BORCS5: variants seen among roughly 807,000 people sequenced by gnomAD.
The protein encoded by BORCS5 is BLOC-1 related complex subunit 5, also known as BLOC-1-related complex subunit 5.
BORCS5 carries 17 observed loss-of-function variants against 22.1 expected under a neutral mutation model. That is an observed-to-expected ratio of 0.77 (90% confidence interval 0.53 to 1.15). BORCS5 has a LOEUF of 1.15. Among genes scored for constraint, BORCS5 ranks in the 50% most tolerant of loss-of-function variants. BORCS5 has a pLI of 0.00. For synonymous variants in BORCS5, 117 were observed against 99.8 expected (o/e 1.17, Z -1.03); for missense variants, 247 against 253.2 (o/e 0.98, Z 0.17).
intron 3 of BORCS5, among the ~76,000 whole-genome samples, chr12:12,451,708 C>A (rs1382324754): frequency 4.0e-5 from 6 of 151,276 alleles, no homozygotes; most frequent in Non-Finnish European, 8.8e-5. Flanking sequence ...ATGGTGAAAC[C>A]CCGTCTAATT....
intron 2 of BORCS5, among the ~76,000 whole-genome samples, chr12:12,362,958 C>T (rs1275685132): frequency 6.6e-6 from 1 of 151,410 alleles, no homozygotes; most frequent in East Asian, 2.0e-4. Context: ...GCCTACTCAT[C>T]TTCTTAGTTT....
rs147487002 is a variant in BORCS5, at chr12:12,376,334, C to T, written c.202+14985C>T. Reference sequence around the variant, plus strand: ...CTGCAAGCTCTGCCTCCTGGGTTCACGCCATTCTCCTGCCTCAGCCTCCTG... The same window carrying T: ...CTGCAAGCTCTGCCTCCTGGGTTCATGCCATTCTCCTGCCTCAGCCTCCTG... On this transcript the variant is annotated intron_variant, in intron 2 of 3. Coordinates refer to ENST00000314565, the MANE Select transcript of BORCS5 (RefSeq NM_058169.6). Among the ~76,000 whole-genome samples the T allele has an allele frequency of 3.7e-3, 560 of 150,526 alleles. 5 individuals carry two copies. Among genetic ancestry groups the T allele is most frequent in the African/African-American group, 0.012 (485 of 40,882 alleles).
Position 12,435,649 on chromosome 12 carries a change from C to T in BORCS5, c.224C>T (p.Ser75Phe), listed in dbSNP as rs76204637. The change falls in exon 3 of 4, where the codon TCC (serine) becomes TTC (phenylalanine). Residue 75 changes from serine to phenylalanine, a missense_variant. By Grantham distance (155) the Ser-to-Phe change is radical. Coordinates refer to ENST00000314565, the MANE Select transcript of BORCS5 (RefSeq NM_058169.6). ...GAAGGGCTATTGAGTGGCCAGACTT[C>T]CCCAACAAATGCCAAATTGGAGAAA... ...LLKGLLSGQT[S>F]PTNAKLEKLD... 2 of 1,613,758 alleles carry T rather than the reference C, an allele frequency of 1.2e-6. No individual in the cohort carries two copies. Among genetic ancestry groups the T allele is most frequent in the South Asian group, 2.2e-5 (2 of 90,980 alleles).
rs534499841 is a variant in BORCS5, at chr12:12,371,001, G to A, written c.202+9652G>A. Among the ~76,000 whole-genome samples, 190 of 152,126 alleles carry A rather than the reference G, an allele frequency of 1.2e-3. 1 individual carries two copies. The highest frequency in any genetic ancestry group is 4.1e-3 in the African/African-American group (172 of 41,498). Reference sequence around the variant, plus strand: ...CCTGACCTTGTGATCCGCCCACCTCGGCCTCCCAAAGTGCTGGGATTACAG... The same window carrying A: ...CCTGACCTTGTGATCCGCCCACCTCAGCCTCCCAAAGTGCTGGGATTACAG... On this transcript the variant is annotated intron_variant, in intron 2 of 3. Transcript: ENST00000314565.
intron 1 of BORCS5, 26 bp downstream of exon 1, chr12:12,357,535 C>T (rs766629587): frequency 6.9e-6 from 11 of 1,598,916 alleles, no homozygotes; most frequent in Non-Finnish European, 9.4e-6. Flanking sequence ...TCCCACCCTC[C>T]TCCAGCCCGC....
intron 3 of BORCS5, among the ~76,000 whole-genome samples, chr12:12,441,710 C>CA (rs202109827): frequency 1.8e-5 from 2 of 109,946 alleles, no homozygotes; most frequent in Non-Finnish European, 3.9e-5. Flanking sequence ...AGAGGCAAGG[C>CA]AAAAAAAAAA....
intron 2 of BORCS5, among the ~76,000 whole-genome samples, chr12:12,376,211 A>T (rs1417558582): frequency 6.6e-6 from 1 of 150,766 alleles, no homozygotes; most frequent in African/African-American, 2.4e-5. Flanking sequence ...ACAGGTGACA[A>T]TTGGGATTGC....
rs534341417 is a variant in BORCS5 at position 12,471,116 on chromosome 12, C to T, written c.*5340C>T. On this transcript the variant is annotated 3_prime_UTR_variant, in exon 4 of 4. Transcript: ENST00000314565. ...GCCACATCCTGCATTTCCTGTGGGA[C>T]AGCATTTTCAAACGGATTCTAGTGT... Among the ~76,000 whole-genome samples, 5 of 152,286 alleles carry T rather than the reference C, an allele frequency of 3.3e-5. No homozygotes were observed. The East Asian group carries it at 5.8e-4, about 18-fold the overall frequency.
intron 3 of BORCS5, among the ~76,000 whole-genome samples, chr12:12,457,067 G>C (rs966249164): frequency 4.6e-5 from 7 of 152,172 alleles, no homozygotes; most frequent in African/African-American, 1.7e-4. Context: ...TCATGTAAAA[G>C]AGGTTTCTAG....
chr12:12,393,260 T>C (rs2136061808), intron 2 of BORCS5, among the ~76,000 whole-genome samples: 1 of 151,976 alleles, frequency 6.6e-6, no homozygotes, highest in Admixed American at 6.6e-5. Flanking sequence ...AGACAAGGTT[T>C]CTGGACAATG....
At chr12:12,392,354 T>C (rs1383601213) in intron 2 of BORCS5, among the ~76,000 whole-genome samples, 1 of 152,110 alleles carries the variant, frequency 6.6e-6, no homozygotes, top group African/African-American at 2.4e-5. Flanking sequence ...TGCTTTTTCC[T>C]ATCATGCCAC....
At chr12:12,369,468 T>C (rs1863474643) in intron 2 of BORCS5, among the ~76,000 whole-genome samples, 2 of 152,144 alleles carry the variant, frequency 1.3e-5, no homozygotes. Flanking sequence ...TGTGTGCTTT[T>C]GGTTACTTTC....
intron 3 of BORCS5, among the ~76,000 whole-genome samples, chr12:12,437,267 T>C (rs1361513651): frequency 1.3e-5 from 2 of 152,210 alleles, no homozygotes; most frequent in Non-Finnish European, 2.9e-5. Context: ...CTACACAAGC[T>C]CTCTTGCCTG....
intron 2 of BORCS5, among the ~76,000 whole-genome samples, chr12:12,426,334 A>G (rs1003703134): frequency 6.6e-6 from 1 of 152,350 alleles, no homozygotes; most frequent in East Asian, 1.9e-4. Flanking sequence ...CATACCAAGT[A>G]GTTGGTAACT....
rs771305088 is a variant in BORCS5 at position 12,469,782 on chromosome 12, G to T, written c.*4006G>T. The T allele has an allele frequency of 6.6e-6, 1 of 152,244 alleles. No individual in the cohort carries two copies. Among genetic ancestry groups the T allele is most frequent in the African/African-American group, 2.4e-5 (1 of 41,462 alleles). 9.4% of individuals were successfully genotyped at this position (152,244 alleles called of 1,614,324 possible). ...AATTATTCAAAATGTTGATACTCAA[G>T]ATTGAAGGATGGATTAGGGAGAAAT... On this transcript the variant is annotated 3_prime_UTR_variant, in exon 4 of 4. Transcript: ENST00000314565.
At chr12:12,386,064 A>C (rs1175798521) in intron 2 of BORCS5, among the ~76,000 whole-genome samples, 1 of 149,854 alleles carries the variant, frequency 6.7e-6, no homozygotes, top group South Asian at 2.1e-4. Flanking sequence ...GCAGTGGCGC[A>C]GTCTTGGCTC....
intron 2 of BORCS5, among the ~76,000 whole-genome samples, chr12:12,418,260 A>G (rs926275288): frequency 6.7e-6 from 1 of 149,816 alleles, no homozygotes; most frequent in Non-Finnish European, 1.5e-5. Flanking sequence ...GGATGGTCTC[A>G]ATCTCCTGAC....
chr12:12,369,712 CTTTTTTTTT>C (rs71061052), intron 2 of BORCS5, among the ~76,000 whole-genome samples: 530 of 42,984 alleles, frequency 0.012, 8 homozygotes, highest in African/African-American at 0.05. Context: ...CCCCCCACTT[CTTTTTTTTT>C]TTTTTTTTTT....
chr12:12,362,794 C>G (rs931449984), intron 2 of BORCS5, among the ~76,000 whole-genome samples: 1 of 151,600 alleles, frequency 6.6e-6, no homozygotes, highest in African/African-American at 2.4e-5. Context: ...ATGCCTGCCA[C>G]CACGCCAAGC....
Sources: allele counts gnomAD v4.1 joint callset (sites outside exome capture counted in the v4.1 genomes callset), GRCh38; gene constraint gnomAD v4.1.1; transcripts MANE v1.5; gene names NCBI Gene and HGNC (gene_info 2026-07-23, HGNC 2026-07-21).